The following GRIP1 variants were observed in gnomAD, a reference collection of about 807,000 sequenced individuals.
GRIP1 encodes glutamate receptor interacting protein 1.
In GRIP1, 45 loss-of-function variants were observed where a neutral mutation model predicts 129.9. The observed-to-expected ratio is 0.35, with a 90% CI of 0.27 to 0.44. The LOEUF (loss-of-function observed/expected upper bound fraction) is 0.44, where lower values mean the gene tolerates loss of function less well. Ranked by LOEUF, GRIP1 falls within the 20% of genes least tolerant of loss-of-function variation. The pLI is 1.00. For missense variants in GRIP1, 1,196 were observed against 1,396.8 expected (o/e 0.86, Z 2.29); for synonymous variants, 530 against 520.8 (o/e 1.02, Z -0.24).
Position 66,541,813 on chromosome 12 carries a change from A to T in GRIP1, c.272+2T>A. On this transcript the variant is annotated splice_donor_variant, in intron 3 of 24. Transcript: ENST00000359742. LOFTEE classifies it high-confidence loss of function. ...CAGTAGATTTCCCCAAGAGGCAGTT[A>T]CCTAGCAGCAATTCCTCCTTGCCGC... 6.2e-7 allele frequency: 1 copy of T among 1,613,932 alleles called. No homozygotes were observed.
chr12:66,375,919 A>G (rs1254926122), intron 22 of GRIP1, among the ~76,000 whole-genome samples: 4 of 152,248 alleles, frequency 2.6e-5, no homozygotes, highest in Non-Finnish European at 5.9e-5. Context: ...AAGCAGGGCT[A>G]TGTTCAAGAA....
At chr12:66,358,818 G>T (rs2054612754) in intron 23 of GRIP1, among the ~76,000 whole-genome samples, 1 of 152,180 alleles carries the variant, frequency 6.6e-6, no homozygotes, top group African/African-American at 2.4e-5. Context: ...AGGAGAAATA[G>T]TGAGAGAAGG....
chr12:66,411,399 A>C (rs2057397714), intron 15 of GRIP1, among the ~76,000 whole-genome samples: 1 of 152,164 alleles, frequency 6.6e-6, no homozygotes. Flanking sequence ...CCTGACTGTT[A>C]AAAGAAAAAC....
At position 67,036,574 on chromosome 12, in the gene GRIP1, G is replaced by A. The variant is rs189546852; in HGVS notation, c.58+32476C>T. On this transcript the variant is annotated intron_variant, in intron 1 of 1. Transcript: ENST00000643019. ...TCGAACTCCTGACCTCAAGTGATCT[G>A]CCTGCCTCTGCCTCCCAAAGTGCTG... 3.2e-3 allele frequency among the ~76,000 whole-genome samples: 493 copies of A among 151,912 alleles called. 2 individuals carry two copies. Among genetic ancestry groups the A allele is most frequent in the African/African-American group, 6.5e-3 (269 of 41,414 alleles).
intron 1 of GRIP1, among the ~76,000 whole-genome samples, chr12:66,875,410 G>A (rs11176471): frequency 0.072 from 10,926 of 152,102 alleles, 533 homozygotes; most frequent in East Asian, 0.27. Context: ...AAGTGAACAG[G>A]AAGTGACCTG....
At chr12:66,506,177 T>A (rs888017340) in intron 7 of GRIP1, among the ~76,000 whole-genome samples, 2 of 152,130 alleles carry the variant, frequency 1.3e-5, no homozygotes, top group African/African-American at 4.8e-5. Context: ...GCCTAGCAAT[T>A]CCACTCTTAG....
intron 1 of GRIP1, among the ~76,000 whole-genome samples, chr12:66,993,115 A>G (rs1191169002): frequency 2.0e-5 from 3 of 151,254 alleles, no homozygotes; most frequent in Non-Finnish European, 4.4e-5. Flanking sequence ...CCCTGTCTCA[A>G]AAAAAAAAAT....
At chr12:66,599,719 A>G (rs2064196919) in intron 1 of GRIP1, among the ~76,000 whole-genome samples, 1 of 152,192 alleles carries the variant, frequency 6.6e-6, no homozygotes, top group Admixed American at 6.5e-5. Flanking sequence ...GGAGGCTTCT[A>G]TCTTCTCTTG....
chr12:66,644,034 G>A (rs2032157535), intron 1 of GRIP1, among the ~76,000 whole-genome samples: 1 of 152,134 alleles, frequency 6.6e-6, no homozygotes, highest in South Asian at 2.1e-4. Flanking sequence ...GGAGGCGAAA[G>A]GTACTTCTTA....
chr12:66,890,755 G>C (rs1349983619), intron 1 of GRIP1, among the ~76,000 whole-genome samples: 2 of 152,196 alleles, frequency 1.3e-5, no homozygotes, highest in African/African-American at 4.8e-5. Context: ...CTTTAGATCT[G>C]AAAAAGAAAT....
intron 1 of GRIP1, among the ~76,000 whole-genome samples, chr12:66,939,422 A>G (rs1292335638): frequency 6.6e-6 from 1 of 152,218 alleles, no homozygotes; most frequent in Non-Finnish European, 1.5e-5. Flanking sequence ...CTAAAAATGA[A>G]TATGTTCCTG....
At chr12:66,718,845 T>G (rs1001888623) in intron 1 of GRIP1, among the ~76,000 whole-genome samples, 26 of 151,986 alleles carry the variant, frequency 1.7e-4, no homozygotes, top group Admixed American at 8.5e-4. Context: ...AGAGTGAAAC[T>G]CCATCTCAAA....
At chr12:66,656,697 T>A (rs531883764) in intron 1 of GRIP1, among the ~76,000 whole-genome samples, 2 of 152,288 alleles carry the variant, frequency 1.3e-5, no homozygotes, top group Admixed American at 6.5e-5. Context: ...TATCCTTAGG[T>A]GTTTAATATG....
At chr12:66,821,780 A>G (rs890290283) in intron 1 of GRIP1, among the ~76,000 whole-genome samples, 3 of 152,184 alleles carry the variant, frequency 2.0e-5, no homozygotes, top group East Asian at 1.9e-4. Flanking sequence ...GTGGAACTGA[A>G]TAAGAGATTT....
intron 1 of GRIP1, among the ~76,000 whole-genome samples, chr12:66,693,307 TATTTA>T (rs1367155254): frequency 6.6e-6 from 1 of 152,218 alleles, no homozygotes; most frequent in Non-Finnish European, 1.5e-5. Flanking sequence ...GTCTATAGTT[TATTTA>T]AAGTTATGGG....
At chr12:66,476,193 G>A (rs1008796339) in intron 7 of GRIP1, among the ~76,000 whole-genome samples, 5 of 152,166 alleles carry the variant, frequency 3.3e-5, no homozygotes, top group East Asian at 1.9e-4. Context: ...TATCACCACC[G>A]ATCCCACAGA....
chr12:66,410,449 T>C (rs1196575419), intron 15 of GRIP1, among the ~76,000 whole-genome samples: 1 of 138,752 alleles, frequency 7.2e-6, no homozygotes, highest in African/African-American at 2.7e-5. Context: ...CTGGCCAACA[T>C]GGTGAAAGCC....
chr12:66,491,114 A>C (rs1221300006), intron 7 of GRIP1, among the ~76,000 whole-genome samples: 3 of 152,188 alleles, frequency 2.0e-5, no homozygotes, highest in African/African-American at 7.2e-5. Flanking sequence ...TACTGTGTAC[A>C]TGTATACCCA....
intron 11 of GRIP1, among the ~76,000 whole-genome samples, chr12:66,446,534 G>A (rs1402849113): frequency 6.6e-6 from 1 of 152,102 alleles, no homozygotes; most frequent in Non-Finnish European, 1.5e-5. Flanking sequence ...CTCCACATAC[G>A]GTACATTGAT....
Sources: gnomAD v4.1 joint callset for allele counts (sites outside exome capture counted in the v4.1 genomes callset) on GRCh38, gnomAD v4.1.1 for gene constraint, MANE v1.5 for transcripts, NCBI Gene and HGNC (gene_info 2026-07-23, HGNC 2026-07-21) for gene names.